PCDHA6: variants seen among roughly 807,000 people sequenced by gnomAD.
PCDHA6 encodes the protein protocadherin alpha 6.
Under a neutral mutation model 60.3 loss-of-function variants are expected in PCDHA6, and 55 were observed. The ratio of observed to expected loss-of-function variants is 0.91; its 90% CI spans 0.73 to 1.14. The LOEUF is 1.14. Ranked by LOEUF, PCDHA6 falls within the 50% of genes most tolerant of loss-of-function variation. The probability of loss-of-function intolerance (pLI) is 0.00; values close to 1 mark genes in which losing one functional copy is unlikely to be tolerated. For missense variants in PCDHA6, 1,327 were observed against 1,256.5 expected, an observed-to-expected ratio of 1.06 and a Z score of -0.85; for synonymous variants, 652 against 557.9, an observed-to-expected ratio of 1.17 and a Z score of -2.38.
rs2150419460 is a variant in PCDHA6 at position 140,848,757 on chromosome 5, T to C, written c.2394+18272T>C. 2.5e-6 allele frequency: 4 copies of C among 1,593,378 alleles called. No individual in the cohort carries two copies. In the South Asian group the frequency reaches 4.4e-5, roughly 18 times the overall value. Reference sequence around the variant, plus strand: ...GCAGAATGGCATTTTGTTTGTGAATTCTCGGATCGACCGCGAGGAGCTGTG... The same window carrying C: ...GCAGAATGGCATTTTGTTTGTGAATCCTCGGATCGACCGCGAGGAGCTGTG... On this transcript the variant is annotated intron_variant, in intron 1 of 3. Transcript: ENST00000529310.
At chr5:140,857,747 T>C (rs2150398019) in intron 1 of PCDHA6, 2 of 1,597,058 alleles carry the variant, frequency 1.3e-6, no homozygotes, top group South Asian at 1.1e-5. Context: ...GCTGCTGGCG[T>C]CTCCCGCTGG....
intron 1 of PCDHA6, chr5:140,848,196 A>T: frequency 3.3e-6 from 1 of 307,634 alleles, no homozygotes. Context: ...CTTCTGTTTC[A>T]ACAATCATTA....
intron 1 of PCDHA6, among the ~76,000 whole-genome samples, chr5:140,938,922 T>G (rs2092267013): frequency 6.6e-6 from 1 of 151,926 alleles, no homozygotes; most frequent in Non-Finnish European, 1.5e-5. Flanking sequence ...CACAAGAAAT[T>G]GGCTTTTAAC....
In PCDHA6 at chr5:141,012,021, A is replaced by T. The variant is rs1428323351; in HGVS notation, c.*2084A>T. 6.5e-6 allele frequency: 1 copy of T among 153,734 alleles called. No individual in the cohort carries two copies. The highest frequency in any genetic ancestry group is 1.5e-5 in the Non-Finnish European group (1 of 68,044). 9.5% of individuals were successfully genotyped at this position (153,734 alleles called of 1,614,324 possible). The stretch of plus-strand genomic sequence containing the variant: ...CATATTTTGAAGGGTGTGTAACTTC[A>T]GCTCTGCAGGATTGCATGGGGTAAA... On this transcript the variant is annotated 3_prime_UTR_variant, in exon 4 of 4. Transcript: ENST00000529310.
chr5:140,871,292 C>A (rs2052919411), intron 1 of PCDHA6: 2 of 1,613,772 alleles, frequency 1.2e-6, no homozygotes, highest in Non-Finnish European at 8.5e-7. Flanking sequence ...ACTGAGGGCG[C>A]GTGCGCGCCG....
chr5:140,883,150 C>T, intron 1 of PCDHA6: 1 of 1,613,910 alleles, frequency 6.2e-7, no homozygotes, highest in Non-Finnish European at 8.5e-7. Flanking sequence ...ATGCATTTAC[C>T]ATAAATCCGA....
intron 1 of PCDHA6, chr5:140,967,401 G>C: frequency 6.2e-7 from 1 of 1,611,944 alleles, no homozygotes; most frequent in Non-Finnish European, 8.5e-7. Context: ...CTGGTGCTGC[G>C]TAAGGGCCTA....
intron 1 of PCDHA6, chr5:140,865,770 T>C (rs1554159611): frequency 6.6e-6 from 1 of 152,200 alleles, no homozygotes; most frequent in Non-Finnish European, 1.5e-5. Context: ...GGAGATATTA[T>C]TCAAATGTGT....
chr5:140,927,676 G>A (rs2084491623), intron 1 of PCDHA6: 1 of 1,614,192 alleles, frequency 6.2e-7, no homozygotes, highest in South Asian at 1.1e-5. Flanking sequence ...GGATCCAGAT[G>A]AAGGGTCCAA....
chr5:140,905,918 T>G (rs536445399), intron 1 of PCDHA6, among the ~76,000 whole-genome samples: 1 of 152,280 alleles, frequency 6.6e-6, no homozygotes, highest in Non-Finnish European at 1.5e-5. Context: ...GAATCCAATC[T>G]GAGTCCCAAA....
intron 3 of PCDHA6, 57 bp downstream of exon 3, chr5:140,982,620 C>T: frequency 2.5e-6 from 4 of 1,588,470 alleles, no homozygotes. Flanking sequence ...ATCAGATGAC[C>T]TACTTTTGTA....
At chr5:140,849,831 GC>G in intron 1 of PCDHA6, 1 of 1,598,564 alleles carries the variant, frequency 6.3e-7, no homozygotes, top group Non-Finnish European at 8.6e-7. Context: ...TGTGGAGGTG[GC>G]CGACGTGAAC....
intron 1 of PCDHA6, chr5:140,862,550 G>C: frequency 2.2e-6 from 1 of 458,462 alleles, no homozygotes. Flanking sequence ...GGAAGTGGCC[G>C]AACAGTGAAC....
At chr5:140,844,640 A>G (rs1166364249) in intron 1 of PCDHA6, among the ~76,000 whole-genome samples, 4 of 149,532 alleles carry the variant, frequency 2.7e-5, no homozygotes, top group Non-Finnish European at 4.5e-5. Flanking sequence ...ATACATGATA[A>G]TTTCATTCTT....
At chr5:140,993,883 A>G (rs1256857317) in intron 3 of PCDHA6, among the ~76,000 whole-genome samples, 1 of 152,228 alleles carries the variant, frequency 6.6e-6, no homozygotes, top group East Asian at 1.9e-4. Flanking sequence ...AGTACGCTCT[A>G]TGATGTCCAT....
At chr5:140,881,361 C>T (rs990387338) in intron 1 of PCDHA6, 4 of 985,122 alleles carry the variant, frequency 4.1e-6, no homozygotes, top group Non-Finnish European at 2.4e-6. Context: ...GCGTGGCTTT[C>T]GTATGAATTG....
intron 1 of PCDHA6, among the ~76,000 whole-genome samples, chr5:140,963,510 G>A (rs536524403): frequency 1.8e-4 from 28 of 152,328 alleles, no homozygotes; most frequent in Non-Finnish European, 2.8e-4. Flanking sequence ...TCTTGAAGGG[G>A]TTCTCATAAC....
chr5:140,860,028 C>A (rs2046140974), intron 1 of PCDHA6: 1 of 151,914 alleles, frequency 6.6e-6, no homozygotes, highest in South Asian at 2.1e-4. Context: ...GTGGCTCACA[C>A]CTGTAATCCC....
At chr5:140,830,665 G>A (rs1771194311) in intron 1 of PCDHA6, 180 bp downstream of exon 1, 1 of 389,586 alleles carries the variant, frequency 2.6e-6, no homozygotes, top group Non-Finnish European at 4.2e-6. Context: ...TAATTTAAGT[G>A]AAATTAGAAA....
Sources: gnomAD v4.1 joint callset for allele counts (sites outside exome capture counted in the v4.1 genomes callset) on GRCh38, gnomAD v4.1.1 for gene constraint, MANE v1.5 for transcripts, NCBI Gene and HGNC (gene_info 2026-07-23, HGNC 2026-07-21) for gene names.